The following AFF3 variants were observed in gnomAD, a reference collection of about 807,000 sequenced individuals.
AFF3 encodes AF4/FMR2 family member 3.
In AFF3, 32 loss-of-function variants were observed where a neutral mutation model predicts 129.7. The ratio of observed to expected loss-of-function variants is 0.25; its 90% CI spans 0.19 to 0.33. The LOEUF is 0.33. AFF3 is among the 10% of genes least tolerant of loss of function. AFF3 has a pLI of 1.00. For missense variants in AFF3, 1,373 were observed against 1,592.0 expected, an observed-to-expected ratio of 0.86 and a Z score of 2.34; for synonymous variants, 644 against 635.4, an observed-to-expected ratio of 1.01 and a Z score of -0.20.
rs367647571 is a variant in AFF3 at position 100,007,170 on chromosome 2, G to A, written c.465C>T (p.Pro155=). ...TACTTGCTCTCTGTTGGCCGTCAGA[G>A]GGTGGGTGCCCAGCCTTCTGCCAGC... ...TMGWQKAGHP[P]SDGQQRATQQ... The change falls in exon 6 of 25, where the codon CCC becomes CCT. Residue 155 remains proline (P), a synonymous_variant. Transcript: ENST00000672756. 7.4e-6 allele frequency: 12 copies of A among 1,614,056 alleles called. No individual in the cohort carries two copies. The highest frequency in any genetic ancestry group is 1.0e-5 in the Non-Finnish European group (12 of 1,180,040).
chr2:100,114,813 T>C (rs1466679180), intron 2 of AFF3, among the ~76,000 whole-genome samples: 1 of 152,222 alleles, frequency 6.6e-6, no homozygotes, highest in African/African-American at 2.4e-5. Context: ...CATAACATCA[T>C]GCAAGCCCCC....
chr2:99,941,031 G>C (rs1674991761), intron 7 of AFF3, among the ~76,000 whole-genome samples: 1 of 152,180 alleles, frequency 6.6e-6, no homozygotes. Flanking sequence ...GGCTGACGGA[G>C]GCTAAAGACA....
chr2:100,069,053 C>A (rs997611161), intron 4 of AFF3, among the ~76,000 whole-genome samples: 2 of 151,938 alleles, frequency 1.3e-5, no homozygotes, highest in African/African-American at 4.8e-5. Context: ...ATCTTGTCAC[C>A]CAGGTGTTAA....
chr2:100,108,571 C>A (rs927741228), intron 2 of AFF3, among the ~76,000 whole-genome samples: 10 of 152,074 alleles, frequency 6.6e-5, no homozygotes, highest in African/African-American at 2.4e-4. Flanking sequence ...TTTCTGGGGC[C>A]CTAGAAGCCA....
chr2:99,600,059 C>G lies in AFF3; in HGVS notation c.1371+1376G>C, dbSNP rs115290657. On this transcript the variant is annotated intron_variant, in intron 14 of 24. Coordinates refer to ENST00000672756, the MANE Select transcript of AFF3 (RefSeq NM_001386135.1). ...TGCTGAAGGAATAATAATTTAGTTT[C>G]TGGGAAAAGCCAGGGTTATGTTACC... Among the ~76,000 whole-genome samples the G allele has an allele frequency of 2.8e-3, 429 of 152,260 alleles. 1 individual carries two copies. The highest frequency in any genetic ancestry group is 9.8e-3 in the African/African-American group (408 of 41,558).
At position 100,091,279 on chromosome 2, in the gene AFF3, T is replaced by G. The variant is rs569160418; in HGVS notation, c.53+13123A>C. Among the ~76,000 whole-genome samples the G allele has an allele frequency of 1.9e-3, 296 of 152,324 alleles. 1 individual carries two copies. The highest frequency in any genetic ancestry group is 3.7e-3 in the Admixed American group (56 of 15,302). ...AAAGGCTCAGGACACTTCTTATGTG[T>G]AAGAAACACAACACCCTGAGGCCAG... On this transcript the variant is annotated intron_variant, in intron 4 of 24. Coordinates refer to ENST00000672756, the MANE Select transcript of AFF3 (RefSeq NM_001386135.1).
chr2:99,923,077 T>C lies in AFF3; in HGVS notation c.873+83555A>G, dbSNP rs183676654. Among the ~76,000 whole-genome samples, 136 of 152,312 alleles carry C rather than the reference T, an allele frequency of 8.9e-4. 1 individual carries two copies. Among genetic ancestry groups the C allele is most frequent in the Middle Eastern group, 3.4e-3 (1 of 294 alleles). Reference sequence around the variant, plus strand: ...TAGTAATTTCTGCCCTATACCACCTTTGGAAGAACTGAAAACTACCATGCC... The same window carrying C: ...TAGTAATTTCTGCCCTATACCACCTCTGGAAGAACTGAAAACTACCATGCC... On this transcript the variant is annotated intron_variant, in intron 7 of 24. Transcript: ENST00000672756.
At chr2:99,797,487 G>T (rs1201715479) in intron 8 of AFF3, among the ~76,000 whole-genome samples, 2 of 151,988 alleles carry the variant, frequency 1.3e-5, no homozygotes, top group East Asian at 3.9e-4. Flanking sequence ...ACAGGAGAAA[G>T]GGGAGGGTAG....
At chr2:100,037,787 A>C (rs916402855) in intron 4 of AFF3, among the ~76,000 whole-genome samples, 9 of 135,154 alleles carry the variant, frequency 6.7e-5, no homozygotes, top group Non-Finnish European at 1.2e-4. Context: ...ATTTTTATAT[A>C]TTATATAAAA....
intron 7 of AFF3, among the ~76,000 whole-genome samples, chr2:99,892,763 G>C (rs1028275825): frequency 6.6e-6 from 1 of 152,182 alleles, no homozygotes; most frequent in Admixed American, 6.5e-5. Context: ...GACAGCATCC[G>C]ATCTCTGTAG....
intron 2 of AFF3, among the ~76,000 whole-genome samples, chr2:100,120,697 A>G (rs1197000615): frequency 5.9e-5 from 9 of 152,108 alleles, no homozygotes; most frequent in Admixed American, 3.9e-4. Flanking sequence ...GCCTAGCTCC[A>G]TCACCCAGGC....
intron 17 of AFF3, among the ~76,000 whole-genome samples, chr2:99,582,084 A>G (rs1173790299): frequency 6.6e-6 from 1 of 151,654 alleles, no homozygotes; most frequent in Admixed American, 6.6e-5. Context: ...TGAACTCCTG[A>G]CCTCAGGCGA....
At chr2:100,062,151 C>T (rs950890548) in intron 4 of AFF3, among the ~76,000 whole-genome samples, 5 of 152,144 alleles carry the variant, frequency 3.3e-5, no homozygotes, top group African/African-American at 1.2e-4. Flanking sequence ...ATGGACCCAG[C>T]AGGGTCTGGA....
rs1553416890 is a variant in AFF3, at chr2:99,648,909, A to ACTCTCTCTCT, written c.1184+716_1184+717insAGAGAGAGAG. On this transcript the variant is annotated intron_variant, in intron 13 of 24. Transcript: ENST00000672756. Reference sequence around the variant, plus strand: ...CGCACACACACACACACACACACACACACACACACTCTCTCTCTCTCTCTC... The same window carrying ACTCTCTCTCT: ...CGCACACACACACACACACACACACACTCTCTCTCTCACACACACTCTCTCTCTCTCTCTC... Among the ~76,000 whole-genome samples, 209 of 43,050 alleles carry ACTCTCTCTCT rather than the reference A, an allele frequency of 4.9e-3. 2 individuals carry two copies. The highest frequency in any genetic ancestry group is 0.011 in the African/African-American group (169 of 15,938). 28.2% of individuals were successfully genotyped at this position (43,050 alleles called of 152,430 possible).
chr2:99,836,285 A>G (rs1174459282), intron 8 of AFF3, among the ~76,000 whole-genome samples: 1 of 152,246 alleles, frequency 6.6e-6, no homozygotes, highest in African/African-American at 2.4e-5. Context: ...ATATGAAAGT[A>G]TGTTGAAAGA....
At chr2:100,041,027 T>G (rs1372332363) in intron 4 of AFF3, among the ~76,000 whole-genome samples, 6 of 152,242 alleles carry the variant, frequency 3.9e-5, no homozygotes, top group Non-Finnish European at 5.9e-5. Flanking sequence ...CCAAAGCCTG[T>G]GCACAAATGA....
intron 7 of AFF3, among the ~76,000 whole-genome samples, chr2:99,890,718 G>A (rs937931515): frequency 6.6e-6 from 1 of 152,124 alleles, no homozygotes; most frequent in Non-Finnish European, 1.5e-5. Flanking sequence ...GCTTTGACGT[G>A]CACCACTTCT....
At position 99,565,543 on chromosome 2, in the gene AFF3, G is replaced by C. The variant is rs780117652; in HGVS notation, c.3063C>G (p.Gly1021=). ...TATAAGGAGATTTGGATTCCATGGGGCCTTGTTCCATTGCATTTCCACACT... is the reference window on the plus strand; with the variant it reads ...TATAAGGAGATTTGGATTCCATGGGCCCTTGTTCCATTGCATTTCCACACT... ...FIECGNAMEQ[G]PMESKSPYTM... is the part of the protein sequence containing the mutation. The change falls in exon 20 of 25, where the codon GGC becomes GGG. Residue 1021 remains glycine (G), a synonymous_variant. Coordinates refer to ENST00000672756, the MANE Select transcript of AFF3 (RefSeq NM_001386135.1). The C allele has an allele frequency of 1.9e-6, 3 of 1,614,162 alleles. No homozygotes were observed. The highest frequency in any genetic ancestry group is 1.7e-5 in the Admixed American group (1 of 60,016).
chr2:99,950,149 C>G (rs1319044735), intron 7 of AFF3, among the ~76,000 whole-genome samples: 1 of 152,166 alleles, frequency 6.6e-6, no homozygotes, highest in Non-Finnish European at 1.5e-5. Context: ...TTAGCTAAAT[C>G]TTACGTACAT....
Sources: allele counts gnomAD v4.1 joint callset (sites outside exome capture counted in the v4.1 genomes callset), GRCh38; gene constraint gnomAD v4.1.1; transcripts MANE v1.5; gene names NCBI Gene and HGNC (gene_info 2026-07-23, HGNC 2026-07-21).